The following RBFOX1 variants were observed in gnomAD, a reference collection of about 807,000 sequenced individuals.
RBFOX1 encodes the protein RNA binding fox-1 homolog 1.
RBFOX1 carries 8 observed loss-of-function variants against 57.7 expected under a neutral mutation model. The ratio of observed to expected loss-of-function variants is 0.14; its 90% CI spans 0.08 to 0.25. The LOEUF (loss-of-function observed/expected upper bound fraction) is 0.25, where lower values mean the gene tolerates loss of function less well. Ranked by LOEUF, RBFOX1 falls within the 10% of genes least tolerant of loss-of-function variation. The pLI, the probability that RBFOX1 is intolerant of heterozygous loss-of-function variation, is 1.00. For missense variants in RBFOX1, 611 were observed against 548.5 expected (o/e 1.11, Z -1.14); for synonymous variants, 326 against 222.4 (o/e 1.47, Z -4.15).
chr16:6,999,901 G>T (rs1414171644), intron 3 of RBFOX1, among the ~76,000 whole-genome samples: 1 of 151,830 alleles, frequency 6.6e-6, no homozygotes, highest in Non-Finnish European at 1.5e-5. Flanking sequence ...GTGAAACCCT[G>T]TCTTTACTAA....
At chr16:7,416,037 G>T (rs113981440) in intron 4 of RBFOX1, among the ~76,000 whole-genome samples, 2 of 152,080 alleles carry the variant, frequency 1.3e-5, no homozygotes, top group Non-Finnish European at 2.9e-5. Context: ...GACATGCAGA[G>T]TACTCAGGCC....
chr16:7,368,831 T>C (rs1203680024), intron 4 of RBFOX1, among the ~76,000 whole-genome samples: 3 of 151,730 alleles, frequency 2.0e-5, no homozygotes, highest in Non-Finnish European at 4.4e-5. Context: ...TTCTACAGTT[T>C]AGGGAATTAA....
At chr16:7,482,958 C>T (rs1567421217) in intron 4 of RBFOX1, among the ~76,000 whole-genome samples, 3 of 152,170 alleles carry the variant, frequency 2.0e-5, no homozygotes, top group Admixed American at 2.0e-4. Flanking sequence ...AGACCTTCAC[C>T]TGGCTAGGAG....
intron 2 of RBFOX1, among the ~76,000 whole-genome samples, chr16:6,447,285 A>G (rs142671895): frequency 6.6e-6 from 1 of 152,288 alleles, no homozygotes; most frequent in Non-Finnish European, 1.5e-5. Context: ...CCATCGGTGA[A>G]AGGGATTTGG....
At chr16:6,588,450 C>G (rs180704617) in intron 2 of RBFOX1, among the ~76,000 whole-genome samples, 1 of 151,352 alleles carries the variant, frequency 6.6e-6, no homozygotes, top group Non-Finnish European at 1.5e-5. Context: ...GTCAGGAGTT[C>G]GGGACCAGCC....
chr16:5,359,787 T>G (rs2065492134), intron 1 of RBFOX1, among the ~76,000 whole-genome samples: 1 of 152,220 alleles, frequency 6.6e-6, no homozygotes, highest in Admixed American at 6.5e-5. Context: ...ATATGAATTT[T>G]CGGGGAGTCA....
At chr16:7,391,106 T>C (rs2098007281) in intron 4 of RBFOX1, among the ~76,000 whole-genome samples, 1 of 152,144 alleles carries the variant, frequency 6.6e-6, no homozygotes, top group Non-Finnish European at 1.5e-5. Flanking sequence ...AACTGACCTT[T>C]TGCACTGAAT....
chr16:6,273,520 T>C (rs1016791787), intron 1 of RBFOX1, among the ~76,000 whole-genome samples: 1 of 151,720 alleles, frequency 6.6e-6, no homozygotes, highest in African/African-American at 2.4e-5. Context: ...AATTTTTTTG[T>C]ATTTTTAGTA....
At position 7,400,836 on chromosome 16, in the gene RBFOX1, C is replaced by T. The variant is rs565158996; in HGVS notation, c.28-117311C>T. ...CAGTGTCCACAATGCTGTTGGTGCG[C>T]TTGCCCATTAAGTGATATTTAGGGG... On this transcript the variant is annotated intron_variant, in intron 4 of 15. Transcript: ENST00000550418. 6.6e-5 allele frequency among the ~76,000 whole-genome samples: 10 copies of T among 152,300 alleles called. No individual in the cohort carries two copies. The South Asian group carries it at 1.9e-3, about 28-fold the overall frequency.
rs1240292015 is a variant in RBFOX1 at position 7,711,982 on chromosome 16, CT to C, written c.*1240del. On this transcript the variant is annotated 3_prime_UTR_variant, in exon 16 of 16. Transcript: ENST00000550418. ...CCCAAGGATTATCTCAAAATGATCT[CT>C]TTAGTTCTGTCTCCAAGGCCCAGGA... The C allele has an allele frequency of 1.3e-5, 2 of 152,492 alleles. No homozygotes were observed. The highest frequency in any genetic ancestry group is 3.9e-4 in the East Asian group (2 of 5,174). The allele number at this position is 152,492 out of a possible 1,614,324, so 9.4% of individuals were successfully genotyped here.
intron 3 of RBFOX1, among the ~76,000 whole-genome samples, chr16:6,841,735 G>T (rs537983760): frequency 2.8e-4 from 43 of 152,150 alleles, no homozygotes; most frequent in African/African-American, 9.4e-4. Context: ...AGTGGATGTG[G>T]TCCCACCTCT....
intron 4 of RBFOX1, among the ~76,000 whole-genome samples, chr16:7,440,669 G>A (rs1784506143): frequency 6.6e-6 from 1 of 152,120 alleles, no homozygotes; most frequent in Non-Finnish European, 1.5e-5. Context: ...CAAGACTCAG[G>A]TGAATGAGTA....
chr16:7,158,528 G>T (rs918342800), intron 4 of RBFOX1, among the ~76,000 whole-genome samples: 1 of 152,168 alleles, frequency 6.6e-6, no homozygotes, highest in South Asian at 2.1e-4. Context: ...TCTGTGTGAT[G>T]TGTGTGTGTT....
intron 2 of RBFOX1, among the ~76,000 whole-genome samples, chr16:6,322,326 C>G (rs1278888877): frequency 1.3e-5 from 2 of 152,186 alleles, no homozygotes; most frequent in African/African-American, 2.4e-5. Context: ...AACATTTTAT[C>G]TTTTCTCCAT....
intron 4 of RBFOX1, among the ~76,000 whole-genome samples, chr16:7,492,826 C>A (rs553806708): frequency 6.6e-6 from 1 of 152,290 alleles, no homozygotes; most frequent in East Asian, 1.9e-4. Flanking sequence ...TCACCTTCCA[C>A]CGTGAGTAAA....
intron 2 of RBFOX1, among the ~76,000 whole-genome samples, chr16:6,538,293 C>A (rs758409466): frequency 4.6e-5 from 7 of 152,048 alleles, no homozygotes; most frequent in Non-Finnish European, 8.8e-5. Flanking sequence ...AGTTTTATAC[C>A]AGCCTGGGCA....
chr16:6,667,653 G>C (rs1192855181), intron 3 of RBFOX1, among the ~76,000 whole-genome samples: 2 of 152,054 alleles, frequency 1.3e-5, no homozygotes, highest in Admixed American at 6.6e-5. Flanking sequence ...GACACAAGTG[G>C]GAGGATTACT....
intron 3 of RBFOX1, among the ~76,000 whole-genome samples, chr16:5,781,331 T>A (rs549714193): frequency 6.1e-4 from 93 of 152,190 alleles, no homozygotes; most frequent in Non-Finnish European, 1.1e-3. Flanking sequence ...CTCTATTGAC[T>A]CTATTGAACC....
At chr16:5,981,619 C>G (rs2060174567) in intron 4 of RBFOX1, among the ~76,000 whole-genome samples, 1 of 152,088 alleles carries the variant, frequency 6.6e-6, no homozygotes, top group Non-Finnish European at 1.5e-5. Context: ...TAGGTGCCCA[C>G]TATCAGGCTG....
Sources: allele counts gnomAD v4.1 joint callset (sites outside exome capture counted in the v4.1 genomes callset), GRCh38; gene constraint gnomAD v4.1.1; transcripts MANE v1.5; gene names NCBI Gene and HGNC (gene_info 2026-07-23, HGNC 2026-07-21).